The following PPP2R2B variants were observed in gnomAD, a reference collection of about 807,000 sequenced individuals.
PPP2R2B encodes the protein protein phosphatase 2 regulatory subunit Bbeta.
Under a neutral mutation model 46.0 loss-of-function variants are expected in PPP2R2B, and 5 were observed. The ratio of observed to expected loss-of-function variants is 0.11; its 90% CI spans 0.06 to 0.23. The LOEUF (loss-of-function observed/expected upper bound fraction) is 0.23, where lower values mean the gene tolerates loss of function less well. Ranked by LOEUF, PPP2R2B falls within the 10% of genes least tolerant of loss-of-function variation. PPP2R2B has a pLI of 1.00. For synonymous variants in PPP2R2B, 215 were observed against 206.7 expected, an observed-to-expected ratio of 1.04 and a Z score of -0.34; for missense variants, 367 against 575.0, an observed-to-expected ratio of 0.64 and a Z score of 3.70.
At chr5:146,887,487 C>G (rs1353109533) in intron 1 of PPP2R2B, among the ~76,000 whole-genome samples, 1 of 152,042 alleles carries the variant, frequency 6.6e-6, no homozygotes, top group African/African-American at 2.4e-5. Context: ...AAAATATATA[C>G]AGACATACCT....
upstream of PPP2R2B, among the ~76,000 whole-genome samples, chr5:146,881,033 G>T (rs1258615422): frequency 1.3e-5 from 2 of 151,996 alleles, no homozygotes; most frequent in Admixed American, 1.3e-4. Flanking sequence ...AGTGAAAAGA[G>T]CCCTGTGCAC....
chr5:146,953,367 C>T (rs1197903007), intron 1 of PPP2R2B, among the ~76,000 whole-genome samples: 5 of 152,202 alleles, frequency 3.3e-5, no homozygotes, highest in South Asian at 2.1e-4. Flanking sequence ...CCAAGGTATA[C>T]GGGGTATAAT....
chr5:147,069,194 T>C (rs1247024405), intron 2 of PPP2R2B, among the ~76,000 whole-genome samples: 1 of 152,092 alleles, frequency 6.6e-6, no homozygotes, highest in Admixed American at 6.6e-5. Flanking sequence ...TGGGCAAAGA[T>C]AGCACAGTGA....
At chr5:146,694,710 G>A (rs993300811) in intron 4 of PPP2R2B, among the ~76,000 whole-genome samples, 4 of 151,248 alleles carry the variant, frequency 2.6e-5, no homozygotes, top group African/African-American at 4.9e-5. Context: ...TTATACAAGC[G>A]ATACATGGAA....
At chr5:146,723,164 G>A (rs1751634107) in intron 2 of PPP2R2B, among the ~76,000 whole-genome samples, 1 of 152,138 alleles carries the variant, frequency 6.6e-6, no homozygotes, top group Admixed American at 6.5e-5. Context: ...GCATATGTTG[G>A]TTACCACTAT....
At chr5:146,847,717 A>C (rs1760092330) in intron 2 of PPP2R2B, among the ~76,000 whole-genome samples, 1 of 152,222 alleles carries the variant, frequency 6.6e-6, no homozygotes, top group African/African-American at 2.4e-5. Context: ...CTGTGTGCCA[A>C]GACTTGTTTC....
At chr5:146,638,462 C>A in intron 6 of PPP2R2B, 47 bp from the exon 7 acceptor site, 1 of 1,521,306 alleles carries the variant, frequency 6.6e-7, no homozygotes, top group Non-Finnish European at 9.0e-7. Context: ...GAGGCAGGAA[C>A]TTGGGGAAGG....
At chr5:146,981,505 ATT>A (rs1046228002) in intron 1 of PPP2R2B, among the ~76,000 whole-genome samples, 1 of 152,012 alleles carries the variant, frequency 6.6e-6, no homozygotes, top group African/African-American at 2.4e-5. Context: ...ATCTCTTGGA[ATT>A]TTTTTGTTTA....
intron 1 of PPP2R2B, among the ~76,000 whole-genome samples, chr5:146,939,248 A>G (rs140142391): frequency 1.3e-5 from 2 of 152,244 alleles, no homozygotes; most frequent in African/African-American, 4.8e-5. Flanking sequence ...TTTTCCCTTA[A>G]AAGTTGATAC....
At chr5:146,768,537 T>C (rs557133323) in intron 2 of PPP2R2B, among the ~76,000 whole-genome samples, 7 of 152,304 alleles carry the variant, frequency 4.6e-5, no homozygotes, top group African/African-American at 1.7e-4. Flanking sequence ...GTCTCTCCAT[T>C]CACCTCCTGC....
intron 2 of PPP2R2B, among the ~76,000 whole-genome samples, chr5:146,765,783 G>T (rs569506974): frequency 4.6e-5 from 7 of 152,166 alleles, no homozygotes; most frequent in African/African-American, 1.7e-4. Flanking sequence ...TATCATAGGA[G>T]CTTTTGGATT....
chr5:146,902,408 T>C (rs1762864150), intron 1 of PPP2R2B, among the ~76,000 whole-genome samples: 1 of 152,168 alleles, frequency 6.6e-6, no homozygotes, highest in African/African-American at 2.4e-5. Flanking sequence ...CTAATATAAA[T>C]AATAATAGCA....
At chr5:146,698,336 A>G (rs1779326054) in intron 3 of PPP2R2B, among the ~76,000 whole-genome samples, 192 bp from the exon 4 acceptor site, 1 of 136,842 alleles carries the variant, frequency 7.3e-6, no homozygotes, top group African/African-American at 2.8e-5. Context: ...ATATATATAT[A>G]TATATATATA....
chr5:146,669,246 T>C, intron 5 of PPP2R2B, among the ~76,000 whole-genome samples: 1 of 152,146 alleles, frequency 6.6e-6, no homozygotes, highest in Non-Finnish European at 1.5e-5. Flanking sequence ...CAACTATATA[T>C]GCTTAGAATA....
chr5:146,677,403 A>G (rs1777803610), intron 5 of PPP2R2B, among the ~76,000 whole-genome samples: 1 of 152,192 alleles, frequency 6.6e-6, no homozygotes, highest in South Asian at 2.1e-4. Context: ...AGGCAGGGGC[A>G]AATGAAGTAC....
chr5:146,584,809 T>A lies in PPP2R2B; in HGVS notation c.*5138A>T, dbSNP rs1770058056. The stretch of plus-strand genomic sequence containing the variant: ...GGCTAGTTCTAGTATGTCGAAAATG[T>A]GTTTCTAATGGAAGGAGAGAAACAT... On this transcript the variant is annotated 3_prime_UTR_variant, in exon 10 of 10. Transcript: ENST00000394411. The A allele has an allele frequency of 6.6e-6, 1 of 152,240 alleles. No individual in the cohort carries two copies. The highest frequency in any genetic ancestry group is 2.4e-5 in the African/African-American group (1 of 41,470). The allele number at this position is 152,240 out of a possible 1,614,324, so 9.4% of individuals were successfully genotyped here.
At chr5:147,040,760 T>G in intron 1 of PPP2R2B, 1 of 451,164 alleles carries the variant, frequency 2.2e-6, no homozygotes, top group Non-Finnish European at 4.4e-6. Flanking sequence ...TCTTTTCAGC[T>G]CATTCTGTGT....
chr5:146,994,568 TC>T lies in PPP2R2B; in HGVS notation c.79+61096del, dbSNP rs1176821483. ...CTGTAGACCATATAACTCAGCCTTA[TC>T]CCACTTTAGGGTGAAGAAAGCCACT... is the stretch of plus-strand genomic sequence containing the variant. On this transcript the variant is annotated intron_variant, in intron 1 of 8. Coordinates refer to the PPP2R2B transcript ENST00000336640. 2.6e-5 allele frequency among the ~76,000 whole-genome samples: 4 copies of T among 152,130 alleles called. No individual in the cohort carries two copies. In the East Asian group the frequency reaches 7.7e-4, roughly 29 times the overall value.
intron 2 of PPP2R2B, among the ~76,000 whole-genome samples, chr5:146,850,700 C>T (rs1392773880): frequency 1.3e-5 from 2 of 152,188 alleles, no homozygotes; most frequent in Non-Finnish European, 2.9e-5. Flanking sequence ...TCTTATTACA[C>T]ACTCTCAGAG....
Sources: allele counts gnomAD v4.1 joint callset (sites outside exome capture counted in the v4.1 genomes callset), GRCh38; gene constraint gnomAD v4.1.1; transcripts MANE v1.5; gene names NCBI Gene and HGNC (gene_info 2026-07-23, HGNC 2026-07-21).